The following KCNA4 variants were observed in gnomAD, a reference collection of about 807,000 sequenced individuals.
KCNA4 encodes potassium voltage-gated channel subfamily A member 4.
Under a neutral mutation model 37.2 loss-of-function variants are expected in KCNA4, and 5 were observed. That is an observed-to-expected ratio of 0.13 (90% CI 0.07 to 0.28). The LOEUF (loss-of-function observed/expected upper bound fraction) is 0.28. Among genes scored for constraint, KCNA4 ranks in the 10% least tolerant of loss-of-function variants. The probability of loss-of-function intolerance (pLI) is 1.00; values close to 1 mark genes in which losing one functional copy is unlikely to be tolerated. For synonymous variants in KCNA4, 350 were observed against 311.8 expected (o/e 1.12, Z -1.29); for missense variants, 634 against 817.4 (o/e 0.78, Z 2.74).
chr11:30,012,414 G>A lies in KCNA4; in HGVS notation c.265C>T (p.Arg89Trp), dbSNP rs768699041. Reference protein sequence around the residue: ...SRGSRRRRRQRSEKKKAHYRQ... With the variant: ...SRGSRRRRRQWSEKKKAHYRQ... The stretch of plus-strand genomic sequence containing the variant: ...TAGTGGGCTTTCTTCTTCTCAGACC[G>A]CTGTCGCCTCCTCCTCCGACTACCC... The change falls in exon 2 of 2, where the codon CGG becomes TGG. Residue 89 changes from arginine to tryptophan, a missense_variant. Coordinates refer to ENST00000328224, the MANE Select transcript of KCNA4 (RefSeq NM_002233.4). 2.5e-6 allele frequency: 4 copies of A among 1,613,712 alleles called. No homozygotes were observed. Among genetic ancestry groups the A allele is most frequent in the African/African-American group, 1.3e-5 (1 of 75,026 alleles).
chr11:30,009,958 T>C lies in KCNA4; in HGVS notation c.*759A>G. 6.6e-6 allele frequency: 1 copy of C among 152,074 alleles called. No homozygotes were observed. Among genetic ancestry groups the C allele is most frequent in the Middle Eastern group, 3.2e-3 (1 of 316 alleles). The allele number at this position is 152,074 out of a possible 1,614,324, so 9.4% of individuals were successfully genotyped here. ...TTGAAGTCTCTCTCAATCTCCAGCATATAAAGTAGTGCAAAGAAAAAAAAA... is the reference window on the plus strand; with the variant it reads ...TTGAAGTCTCTCTCAATCTCCAGCACATAAAGTAGTGCAAAGAAAAAAAAA... On this transcript the variant is annotated 3_prime_UTR_variant, in exon 2 of 2. Coordinates refer to ENST00000328224, the MANE Select transcript of KCNA4 (RefSeq NM_002233.4).
At position 30,013,246 on chromosome 11, in the gene KCNA4, A is replaced by G. The variant is rs1850323443; in HGVS notation, c.-568T>C. 1 of 167,166 alleles carries G rather than the reference A, an allele frequency of 6.0e-6. No individual in the cohort carries two copies. The allele number at this position is 167,166 out of a possible 1,614,324, so 10.4% of individuals were successfully genotyped here. A position where few individuals can be genotyped will look rare whatever the true frequency, so the allele number is the denominator to read the frequency against. On this transcript the variant is annotated 5_prime_UTR_variant, in exon 2 of 2. Coordinates refer to ENST00000328224, the MANE Select transcript of KCNA4 (RefSeq NM_002233.4). Reference sequence around the variant, plus strand: ...GTCCAGCCATTTCTACTCAAAGTCTATCAGGATGATTCTCCAGGCTCTCCT... The same window carrying G: ...GTCCAGCCATTTCTACTCAAAGTCTGTCAGGATGATTCTCCAGGCTCTCCT...
At position 30,011,479 on chromosome 11, in the gene KCNA4, G is replaced by C. The variant is rs1216214070; in HGVS notation, c.1200C>G (p.Phe400Leu). ...CFACPSQALF[F>L]KNIMNIIDIV... ...TGTCAATGATGTTCATGATGTTTTT[G>C]AAGAAGAGTGCTTGGCTGGGACAAG... Residue 400 changes from phenylalanine to leucine, a missense_variant, in exon 2 of 2, where the codon TTC becomes TTG. Transcript: ENST00000328224. The surrounding 1 kb of genome is among the most constrained non-coding windows in gnomAD (Gnocchi z 5.6). 6.2e-7 allele frequency: 1 copy of C among 1,614,042 alleles called. No homozygotes were observed. Among genetic ancestry groups the C allele is most frequent in the Non-Finnish European group, 8.5e-7 (1 of 1,180,042 alleles).
intron 1 of KCNA4, among the ~76,000 whole-genome samples, chr11:30,014,383 C>T (rs1273850057): frequency 6.6e-6 from 1 of 152,144 alleles, no homozygotes; most frequent in Non-Finnish European, 1.5e-5. Context: ...ATGCCAATTT[C>T]CACATCTCTA....
chr11:30,012,767 A>G lies in KCNA4; in HGVS notation c.-89T>C. 6.7e-7 allele frequency: 1 copy of G among 1,500,122 alleles called. No individual in the cohort carries two copies. Among genetic ancestry groups the G allele is most frequent in the South Asian group, 1.4e-5 (1 of 72,104 alleles). 92.9% of individuals were successfully genotyped at this position (1,500,122 alleles called of 1,614,324 possible). A position where few individuals can be genotyped will look rare whatever the true frequency, so the allele number is the denominator to read the frequency against. On this transcript the variant is annotated 5_prime_UTR_variant, in exon 2 of 2. Coordinates refer to ENST00000328224, the MANE Select transcript of KCNA4 (RefSeq NM_002233.4). ...CTTCTTTTCTCACCAAATTAAGGTAAGTTTGGAACCCTTAAGCAGATTGCT... is the reference window on the plus strand; with the variant it reads ...CTTCTTTTCTCACCAAATTAAGGTAGGTTTGGAACCCTTAAGCAGATTGCT...
At position 30,010,407 on chromosome 11, in the gene KCNA4, T is replaced by TAC. The variant is rs974923185; in HGVS notation, c.*308_*309dup. On this transcript the variant is annotated 3_prime_UTR_variant, in exon 2 of 2. Coordinates refer to ENST00000328224, the MANE Select transcript of KCNA4 (RefSeq NM_002233.4). ...AATTTACTTCACACACACACACATA[T>TAC]ACACACACACGCACACACTCTCTCT... The TAC allele has an allele frequency of 1.1e-5, 4 of 368,088 alleles. No homozygotes were observed. Among genetic ancestry groups the TAC allele is most frequent in the African/African-American group, 6.3e-5 (3 of 47,696 alleles). The allele number at this position is 368,088 out of a possible 1,614,324, so 22.8% of individuals were successfully genotyped here.
Position 30,012,981 on chromosome 11 carries a change from G to A in KCNA4, c.-303C>T. On this transcript the variant is annotated 5_prime_UTR_variant, in exon 2 of 2. Transcript: ENST00000328224. Reference sequence around the variant, plus strand: ...GTCTCTCAGACACCTATGTTTTGGGGGTAGATGTTGAAATTTGGAAATATG... The same window carrying A: ...GTCTCTCAGACACCTATGTTTTGGGAGTAGATGTTGAAATTTGGAAATATG... The A allele has an allele frequency of 7.2e-6, 2 of 279,504 alleles. No individual in the cohort carries two copies. The highest frequency in any genetic ancestry group is 1.4e-4 in the East Asian group (2 of 14,340). 17.3% of individuals were successfully genotyped at this position (279,504 alleles called of 1,614,324 possible). A position where few individuals can be genotyped will look rare whatever the true frequency, so the allele number is the denominator to read the frequency against.
At position 30,012,709 on chromosome 11, in the gene KCNA4, G is replaced by A. The variant is rs751585380; in HGVS notation, c.-31C>T. 1.3e-6 allele frequency: 2 copies of A among 1,512,500 alleles called. No individual in the cohort carries two copies. Among genetic ancestry groups the A allele is most frequent in the Non-Finnish European group, 1.8e-6 (2 of 1,130,224 alleles). The allele number at this position is 1,512,500 out of a possible 1,614,324, so 93.7% of individuals were successfully genotyped here. On this transcript the variant is annotated 5_prime_UTR_variant, in exon 2 of 2. Coordinates refer to ENST00000328224, the MANE Select transcript of KCNA4 (RefSeq NM_002233.4). ...TGGTTTTCGGAAATGGCTGGTTCCAGTTGTAGAAGAAGAAGAAAGAAAAAT... is the reference window on the plus strand; with the variant it reads ...TGGTTTTCGGAAATGGCTGGTTCCAATTGTAGAAGAAGAAGAAAGAAAAAT...
At position 30,010,714 on chromosome 11, in the gene KCNA4, G is replaced by C; in HGVS notation, c.*3C>G. The stretch of plus-strand genomic sequence containing the variant: ...GGGGGAGCAGTGGCAGGTGGAAAAA[G>C]ATTCACACATCAGTCTCCACAGCCT... On this transcript the variant is annotated 3_prime_UTR_variant, in exon 2 of 2. Coordinates refer to ENST00000328224, the MANE Select transcript of KCNA4 (RefSeq NM_002233.4). The C allele has an allele frequency of 6.3e-7, 1 of 1,585,578 alleles. No individual in the cohort carries two copies. Among genetic ancestry groups the C allele is most frequent in the Non-Finnish European group, 8.6e-7 (1 of 1,166,604 alleles).
rs761722050 is a variant in KCNA4, at chr11:30,011,058, C to T, written c.1621G>A (p.Gly541Arg). 1 of 1,614,040 alleles carries T rather than the reference C, an allele frequency of 6.2e-7. No individual in the cohort carries two copies. Among genetic ancestry groups the T allele is most frequent in the Admixed American group, 1.7e-5 (1 of 60,000 alleles). The stretch of plus-strand genomic sequence containing the variant: ...ACACCCGCAATGGCACACAGGGACC[C>T]GACAATCTTGCCCCCTACAGTGATG... ...KPITVGGKIV[G>R]SLCAIAGVLT... Residue 541 changes from glycine to arginine, a missense_variant, in exon 2 of 2, where the codon GGG (glycine) becomes AGG (arginine). By Grantham distance (125) the Gly-to-Arg change is moderately radical (BLOSUM62 -2). This residue lies in a region of KCNA4 where 15 missense variants were observed against 27.3 expected (regional missense o/e 0.55). Transcript: ENST00000328224. The surrounding 1 kb of genome is among the most constrained non-coding windows in gnomAD (Gnocchi z 5.6).
Position 30,010,789 on chromosome 11 carries a change from C to T in KCNA4, c.1890G>A (p.Gln630=). The T allele has an allele frequency of 6.2e-7, 1 of 1,614,204 alleles. No homozygotes were observed. Among genetic ancestry groups the T allele is most frequent in the Non-Finnish European group, 8.5e-7 (1 of 1,180,042 alleles). Residue 630 remains glutamine (Q), a synonymous_variant, in exon 2 of 2, where the codon CAG becomes CAA. Coordinates refer to ENST00000328224, the MANE Select transcript of KCNA4 (RefSeq NM_002233.4). ...ESLCAKEEKC[Q]GKGDDSETDK... is the part of the protein sequence containing the mutation. Reference sequence around the variant, plus strand: ...CTGTCTCACTGTCATCCCCCTTTCCCTGACACTTCTCCTCCTTTGCACACA... The same window carrying T: ...CTGTCTCACTGTCATCCCCCTTTCCTTGACACTTCTCCTCCTTTGCACACA...
At position 30,011,841 on chromosome 11, in the gene KCNA4, C is replaced by T. The variant is rs1003894683; in HGVS notation, c.838G>A (p.Glu280Lys). Residue 280 changes from glutamate (E) to lysine (K), a missense_variant, in exon 2 of 2, where the codon GAA becomes AAA. By Grantham distance (56) the Glu-to-Lys change is moderately conservative (BLOSUM62 1). Transcript: ENST00000328224. The surrounding 1 kb of genome is among the most constrained non-coding windows in gnomAD (Gnocchi z 5.6). ...TCATTCTCGGGGAGGGCCCTGTCTT[C>T]CTCTTCTCTCACAAAGCCCTCGTCC... The part of the protein sequence containing the change: ...REDEGFVREE[E>K]DRALPENEFK... The T allele has an allele frequency of 1.2e-6, 2 of 1,614,088 alleles. No individual in the cohort carries two copies. Among genetic ancestry groups the T allele is most frequent in the Non-Finnish European group, 1.7e-6 (2 of 1,180,016 alleles).
At chr11:30,014,243 A>G (rs1850332026) in intron 1 of KCNA4, among the ~76,000 whole-genome samples, 3 of 152,162 alleles carry the variant, frequency 2.0e-5, no homozygotes, top group Admixed American at 2.0e-4. Flanking sequence ...GTGAGGACAT[A>G]CAAGACATCC....
At chr11:30,014,028 C>T (rs1407693420) in intron 1 of KCNA4, among the ~76,000 whole-genome samples, 1 of 152,158 alleles carries the variant, frequency 6.6e-6, no homozygotes, top group Non-Finnish European at 1.5e-5. Flanking sequence ...CAAATAATAA[C>T]ACAACCTCCC....
In KCNA4 at chr11:30,012,511, AC is replaced by A; in HGVS notation, c.167del (p.Gly56ValfsTer53). The A allele has an allele frequency of 6.2e-7, 1 of 1,608,312 alleles. No homozygotes were observed. On this transcript the variant is annotated frameshift_variant, in exon 2 of 2. Coordinates refer to ENST00000328224, the MANE Select transcript of KCNA4 (RefSeq NM_002233.4). LOFTEE classifies it high-confidence loss of function. ...GGTGGTGGTGGGAGCCCCCACCAGA[AC>A]CCCCGCTACCTTCGACAGCAGCTGT... Reference protein sequence around the residue: ...AATAAVEGSGGSGGGSHHHHQ... With the variant: ...AATAAVEGSGXSGGGSHHHHQ...
chr11:30,015,073 T>C (rs1455826582), intron 1 of KCNA4, among the ~76,000 whole-genome samples: 2 of 152,038 alleles, frequency 1.3e-5, no homozygotes, highest in East Asian at 1.9e-4. Context: ...CCCAATCATA[T>C]ATATTTTCCT....
In KCNA4 at chr11:30,012,268, C is replaced by G; in HGVS notation, c.411G>C (p.Glu137Asp). The G allele has an allele frequency of 1.2e-6, 2 of 1,613,762 alleles. No homozygotes were observed. Among genetic ancestry groups the G allele is most frequent in the Non-Finnish European group, 1.7e-6 (2 of 1,179,982 alleles). ...CATCTTCACTATAGTAAAACCTTCC[C>G]TCCTCTTCCTCCTCTTCCTCCTCCT... Reference protein sequence around the residue: ...DEEEEEEEEEEGRFYYSEDDH... With the variant: ...DEEEEEEEEEDGRFYYSEDDH... The change falls in exon 2 of 2, where the codon GAG (glutamate) becomes GAC (aspartate). Residue 137 changes from glutamate to aspartate, a missense_variant. Transcript: ENST00000328224.
At position 30,010,610 on chromosome 11, in the gene KCNA4, A is replaced by G. The variant is rs1045192681; in HGVS notation, c.*107T>C. The G allele has an allele frequency of 1.4e-6, 2 of 1,462,760 alleles. No individual in the cohort carries two copies. The highest frequency in any genetic ancestry group is 2.8e-5 in the African/African-American group (2 of 70,624). 90.6% of individuals were successfully genotyped at this position (1,462,760 alleles called of 1,614,324 possible). Reference sequence around the variant, plus strand: ...ATGTATAACCATTAAATAGTGTACTACTGTATGCATTGGATCATTTGCATA... The same window carrying G: ...ATGTATAACCATTAAATAGTGTACTGCTGTATGCATTGGATCATTTGCATA... On this transcript the variant is annotated 3_prime_UTR_variant, in exon 2 of 2. Transcript: ENST00000328224.
At chr11:30,014,732 G>A (rs571503057) in intron 1 of KCNA4, among the ~76,000 whole-genome samples, 16 of 152,062 alleles carry the variant, frequency 1.1e-4, no homozygotes, top group Admixed American at 7.9e-4. Flanking sequence ...TCCTCAGCCA[G>A]GCCCTGTAAA....
Sources: gnomAD v4.1 joint callset for allele counts (sites outside exome capture counted in the v4.1 genomes callset) on GRCh38, gnomAD v4.1.1 for gene constraint, gnomAD v4.1.1 regional missense constraint, Gnocchi (gnomAD v3.1) non-coding constraint, MANE v1.5 for transcripts, NCBI Gene and HGNC (gene_info 2026-07-23, HGNC 2026-07-21) for gene names.